Variants in PGLYRP4 observed in about 807,000 individuals in gnomAD.
The protein encoded by PGLYRP4 is peptidoglycan recognition protein 4.
In PGLYRP4, 39 loss-of-function variants were observed where a neutral mutation model predicts 41.2. The ratio of observed to expected loss-of-function variants is 0.95; its 90% CI spans 0.73 to 1.24. The LOEUF (loss-of-function observed/expected upper bound fraction) is 1.24. Among genes scored for constraint, PGLYRP4 ranks in the 50% most tolerant of loss-of-function variants. The pLI is 0.00. For synonymous variants in PGLYRP4, 202 were observed against 186.8 expected, an observed-to-expected ratio of 1.08 and a Z score of -0.66; for missense variants, 467 against 460.7, an observed-to-expected ratio of 1.01 and a Z score of -0.13.
At position 153,330,888 on chromosome 1, in the gene PGLYRP4, A is replaced by T. The variant is rs1362874044; in HGVS notation, c.1001T>A (p.Met334Lys). Residue 334 changes from methionine (M) to lysine (K), a missense_variant, in exon 9 of 9, where the codon ATG becomes AAG. Physicochemically the swap from Met to Lys is moderately conservative, Grantham distance 95 (BLOSUM62 -1). Transcript: ENST00000359650. Reference protein sequence around the residue: ...EAAQDLIQCAMVKGYLTPNYL... With the variant: ...EAAQDLIQCAKVKGYLTPNYL... The stretch of plus-strand genomic sequence containing the variant: ...GTTGGGAGTCAGGTACCCTTTGACC[A>T]TGGCACACTGGATCAGGTCTTGGGC... 8.1e-6 allele frequency: 13 copies of T among 1,614,068 alleles called. No homozygotes were observed. The highest frequency in any genetic ancestry group is 1.1e-5 in the Non-Finnish European group (13 of 1,179,966).
chr1:153,346,146 C>T lies in PGLYRP4; in HGVS notation c.95G>A (p.Gly32Glu). 1 of 1,614,024 alleles carries T rather than the reference C, an allele frequency of 6.2e-7. No individual in the cohort carries two copies. Among genetic ancestry groups the T allele is most frequent in the South Asian group, 1.1e-5 (1 of 91,078 alleles). The change falls in exon 3 of 9, where the codon GGG (glycine) becomes GAG (glutamate). Residue 32 changes from glycine (G) to glutamate (E), a missense_variant. Coordinates refer to ENST00000359650, the MANE Select transcript of PGLYRP4 (RefSeq NM_020393.4). Reference protein sequence around the residue: ...NKTQAKQVSEGLQYLFENISQ... With the variant: ...NKTQAKQVSEELQYLFENISQ... ...GATGTTCTCAAATAGGTACTGGAGCCCCTCTGATACCTGTTTAGCTTGTGT... is the reference window on the plus strand; with the variant it reads ...GATGTTCTCAAATAGGTACTGGAGCTCCTCTGATACCTGTTTAGCTTGTGT...
At chr1:153,345,596 C>T (rs1315438807) in intron 3 of PGLYRP4, among the ~76,000 whole-genome samples, 2 of 152,188 alleles carry the variant, frequency 1.3e-5, no homozygotes, top group African/African-American at 4.8e-5. Flanking sequence ...CTTTGCTCCC[C>T]CATCCCATAA....
intron 3 of PGLYRP4, 115 bp from the exon 4 acceptor site, chr1:153,345,497 A>G: frequency 1.2e-6 from 1 of 861,058 alleles, no homozygotes; most frequent in Non-Finnish European, 1.9e-6. Context: ...TTCAGCAGGC[A>G]GGTGCACCTG....
rs746461444 is a variant in PGLYRP4, at chr1:153,346,210, T to A, written c.50-19A>T. On this transcript the variant is annotated intron_variant, in intron 2 of 8. Transcript: ENST00000359650. ...GAATCACCTGCAAAGGAATATCCCA[T>A]TTTGCATCAGAGAGCACCAATACCA... The A allele has an allele frequency of 1.3e-6, 2 of 1,595,628 alleles. No individual in the cohort carries two copies. Among genetic ancestry groups the A allele is most frequent in the African/African-American group, 2.7e-5 (2 of 74,638 alleles).
rs778086686 is a variant in PGLYRP4 at position 153,340,414 on chromosome 1, A to G, written c.791T>C (p.Ile264Thr). Residue 264 changes from isoleucine to threonine, a missense_variant, in exon 7 of 9, where the codon ATA becomes ACA. Physicochemically the swap from Ile to Thr is moderately conservative, Grantham distance 89 (BLOSUM62 -1). Coordinates refer to ENST00000359650, the MANE Select transcript of PGLYRP4 (RefSeq NM_020393.4). ...AATGTCGCATGACTTGAGCCTGTCT[A>G]TGTAGAAAGACTGGATGTCCCGGAC... The part of the protein sequence containing the change: ...LLVRDIQSFY[I>T]DRLKSCDIGY... The G allele has an allele frequency of 4.3e-6, 7 of 1,614,124 alleles. No homozygotes were observed. The highest frequency in any genetic ancestry group is 1.1e-5 in the South Asian group (1 of 91,088).
intron 8 of PGLYRP4, among the ~76,000 whole-genome samples, chr1:153,336,527 A>C (rs562637499): frequency 6.6e-6 from 1 of 152,186 alleles, no homozygotes; most frequent in Non-Finnish European, 1.5e-5. Flanking sequence ...AAAGCTAAAC[A>C]ATGGGTACAT....
intron 8 of PGLYRP4, 96 bp from the exon 9 acceptor site, chr1:153,331,041 A>G (rs1451354453): frequency 2.2e-5 from 22 of 1,011,726 alleles, no homozygotes; most frequent in Non-Finnish European, 3.1e-5. Flanking sequence ...AAGCTAATAG[A>G]TTCCACTGTT....
rs373413616 is a variant in PGLYRP4, at chr1:153,340,425, C to G, written c.780G>C (p.Gln260His). 2.5e-6 allele frequency: 4 copies of G among 1,614,204 alleles called. No homozygotes were observed. Among genetic ancestry groups the G allele is most frequent in the Non-Finnish European group, 3.4e-6 (4 of 1,180,038 alleles). ...ACTTGAGCCTGTCTATGTAGAAAGA[C>G]TGGATGTCCCGGACCAGCAGGCGGC... ...DECRLLVRDI[Q>H]SFYIDRLKSC... Residue 260 changes from glutamine to histidine, a missense_variant, in exon 7 of 9, where the codon CAG (glutamine) becomes CAC (histidine). Transcript: ENST00000359650.
intron 2 of PGLYRP4, among the ~76,000 whole-genome samples, 194 bp downstream of exon 2, chr1:153,347,690 T>G (rs980349199): frequency 2.6e-5 from 4 of 151,894 alleles, no homozygotes; most frequent in Non-Finnish European, 5.9e-5. Context: ...GTAGTTTTTT[T>G]TGTTGTTGTT....
intron 8 of PGLYRP4, among the ~76,000 whole-genome samples, chr1:153,335,727 A>AAATAAATGAATG (rs1553197226): frequency 2.2e-5 from 3 of 133,634 alleles, no homozygotes; most frequent in South Asian, 4.5e-4. Context: ...CTGTCTAAAT[A>AAATAAATGAATG]AATAAATAAA....
intron 2 of PGLYRP4, among the ~76,000 whole-genome samples, chr1:153,346,647 A>C (rs1416977785): frequency 6.6e-6 from 1 of 152,220 alleles, no homozygotes; most frequent in East Asian, 1.9e-4. Context: ...TGCTATGCCC[A>C]TTCTCCTGTC....
At chr1:153,344,626 G>A (rs1660926869) in intron 4 of PGLYRP4, among the ~76,000 whole-genome samples, 1 of 152,196 alleles carries the variant, frequency 6.6e-6, no homozygotes, top group Admixed American at 6.5e-5. Flanking sequence ...AGGGCATGTG[G>A]TATGGGCACC....
At chr1:153,335,540 C>T (rs924172641) in intron 8 of PGLYRP4, among the ~76,000 whole-genome samples, 4 of 150,176 alleles carry the variant, frequency 2.7e-5, no homozygotes, top group African/African-American at 1.0e-4. Flanking sequence ...TCCTAGCCAA[C>T]ATGGTGAAAC....
intron 7 of PGLYRP4, among the ~76,000 whole-genome samples, chr1:153,338,955 A>G (rs1660684292): frequency 6.6e-6 from 1 of 152,216 alleles, no homozygotes; most frequent in Non-Finnish European, 1.5e-5. Context: ...GGCACATCCG[A>G]TGGCATCCCC....
Position 153,347,998 on chromosome 1 carries a change from T to C in PGLYRP4, c.-46-20A>G. 1.5e-6 allele frequency: 2 copies of C among 1,304,152 alleles called. No individual in the cohort carries two copies. The highest frequency in any genetic ancestry group is 2.4e-5 in the South Asian group (2 of 82,094). The allele number at this position is 1,304,152 out of a possible 1,614,324, so 80.8% of individuals were successfully genotyped here. Reference sequence around the variant, plus strand: ...GGCAGCCTGAGAGAGACGCTGACAGTTGTTAACATGACCATTCTCAATCTG... The same window carrying C: ...GGCAGCCTGAGAGAGACGCTGACAGCTGTTAACATGACCATTCTCAATCTG... On this transcript the variant is annotated intron_variant, in intron 1 of 8. Transcript: ENST00000359650.
intron 8 of PGLYRP4, 56 bp from the exon 9 acceptor site, chr1:153,331,001 A>G: frequency 6.8e-7 from 1 of 1,466,248 alleles, no homozygotes; most frequent in South Asian, 1.2e-5. Flanking sequence ...TGCAAAATAG[A>G]ACATATCCCC....
chr1:153,346,175 G>T lies in PGLYRP4; in HGVS notation c.66C>A (p.Asn22Lys). The change falls in exon 3 of 9, where the codon AAC (asparagine) becomes AAA (lysine). Residue 22 changes from asparagine to lysine, a missense_variant. Coordinates refer to ENST00000359650, the MANE Select transcript of PGLYRP4 (RefSeq NM_020393.4). ...GIQAWGDSSWNKTQAKQVSEG... is the reference protein window; with the variant it reads ...GIQAWGDSSWKKTQAKQVSEG... ...CTGATACCTGTTTAGCTTGTGTTTT[G>T]TTCCAGGAGGAATCACCTGCAAAGG... The T allele has an allele frequency of 6.2e-7, 1 of 1,613,668 alleles. No homozygotes were observed. Among genetic ancestry groups the T allele is most frequent in the Non-Finnish European group, 8.5e-7 (1 of 1,179,608 alleles).
At position 153,337,166 on chromosome 1, in the gene PGLYRP4, A is replaced by C; in HGVS notation, c.943+15T>G. ...ATACCATGCAATGACCCTACTGACC[A>C]AAGCATCCACTTACCTGTGAAGGTG... is the stretch of plus-strand genomic sequence containing the variant. On this transcript the variant is annotated intron_variant, in intron 8 of 8. Coordinates refer to ENST00000359650, the MANE Select transcript of PGLYRP4 (RefSeq NM_020393.4). 6.5e-7 allele frequency: 1 copy of C among 1,536,890 alleles called. No homozygotes were observed. The highest frequency in any genetic ancestry group is 9.0e-7 in the Non-Finnish European group (1 of 1,109,734).
Position 153,345,382 on chromosome 1 carries a change from C to A in PGLYRP4, c.140G>T (p.Gly47Val), listed in dbSNP as rs754190935. The A allele has an allele frequency of 8.7e-6, 14 of 1,613,826 alleles. No homozygotes were observed. In the South Asian group the frequency reaches 1.4e-4, roughly 16 times the overall value. ...CGTGGTGGAGACATCTGTGGGAAGG[C>A]CTTGGGGACGTCACTCAGCGCACCT... Reference protein sequence around the residue: ...FENISQLTEKGLPTDVSTTVS... With the variant: ...FENISQLTEKVLPTDVSTTVS... The change falls in exon 4 of 9, where the codon GGC (glycine) becomes GTC (valine). Residue 47 changes from glycine (G) to valine (V), a missense_variant and splice_region_variant. Transcript: ENST00000359650.
Sources: gnomAD v4.1 joint callset for allele counts (sites outside exome capture counted in the v4.1 genomes callset) on GRCh38, gnomAD v4.1.1 for gene constraint, MANE v1.5 for transcripts, NCBI Gene and HGNC (gene_info 2026-07-23, HGNC 2026-07-21) for gene names.